The following STAG1 variants were observed in gnomAD, a reference collection of about 807,000 sequenced individuals.
STAG1 encodes STAG1 cohesin complex component.
STAG1 carries 26 observed loss-of-function variants against 170.9 expected under a neutral mutation model. The ratio of observed to expected loss-of-function variants is 0.15; its 90% CI spans 0.11 to 0.21. The LOEUF is 0.21. Ranked by LOEUF, STAG1 falls within the 10% of genes least tolerant of loss-of-function variation. STAG1 has a pLI of 1.00. For missense variants in STAG1, 964 were observed against 1,509.5 expected (o/e 0.64, Z 5.99); for synonymous variants, 514 against 497.7 (o/e 1.03, Z -0.44).
At chr3:136,602,230 T>A (rs1298792747) in intron 4 of STAG1, among the ~76,000 whole-genome samples, 1 of 151,668 alleles carries the variant, frequency 6.6e-6, no homozygotes, top group African/African-American at 2.4e-5. Context: ...AATACAAAAA[T>A]TAGCTGGGCA....
At chr3:136,673,969 G>T (rs1265506358) in intron 1 of STAG1, among the ~76,000 whole-genome samples, 6 of 151,446 alleles carry the variant, frequency 4.0e-5, no homozygotes, top group African/African-American at 1.5e-4. Context: ...CAGGCGTGGT[G>T]GTGCATGCCT....
intron 1 of STAG1, among the ~76,000 whole-genome samples, chr3:136,665,254 A>T (rs915139588): frequency 6.6e-6 from 1 of 152,058 alleles, no homozygotes; most frequent in Non-Finnish European, 1.5e-5. Flanking sequence ...ATACAATGAG[A>T]TCTTTGAGGA....
chr3:136,548,566 C>A (rs1488937501), intron 5 of STAG1, among the ~76,000 whole-genome samples: 1 of 152,114 alleles, frequency 6.6e-6, no homozygotes, highest in Admixed American at 6.6e-5. Context: ...TGCAAAAAAT[C>A]CCATTGGAAT....
chr3:136,541,538 TCACACACACACACACACACACACA>T (rs59155124), intron 6 of STAG1, among the ~76,000 whole-genome samples: 2 of 123,214 alleles, frequency 1.6e-5, no homozygotes, highest in Admixed American at 8.3e-5. Context: ...AGCTTAACAT[TCACACACACACACACACACACACA>T]CACACACACA....
chr3:136,686,084 C>G (rs1371348558), intron 1 of STAG1, among the ~76,000 whole-genome samples: 1 of 152,124 alleles, frequency 6.6e-6, no homozygotes, highest in Non-Finnish European at 1.5e-5. Context: ...GTTTTAGCAG[C>G]TACTAGGCAA....
chr3:136,450,548 C>T (rs1233233344), intron 14 of STAG1, among the ~76,000 whole-genome samples: 1 of 152,192 alleles, frequency 6.6e-6, no homozygotes, highest in Non-Finnish European at 1.5e-5. Context: ...TTTTAATTTT[C>T]ATATAGGCTA....
At chr3:136,465,057 C>A in intron 12 of STAG1, 69 bp from the exon 13 acceptor site, 2 of 1,200,130 alleles carry the variant, frequency 1.7e-6, no homozygotes, top group East Asian at 2.6e-5. Context: ...TTTATTTAAA[C>A]TTGCTAAAGT....
At chr3:136,432,843 C>G (rs966285976) in intron 16 of STAG1, among the ~76,000 whole-genome samples, 1 of 152,204 alleles carries the variant, frequency 6.6e-6, no homozygotes, top group South Asian at 2.1e-4. Flanking sequence ...CACGCAGTGC[C>G]ACTCTGGTAA....
intron 4 of STAG1, among the ~76,000 whole-genome samples, chr3:136,576,295 C>T (rs1937453189): frequency 6.6e-6 from 1 of 152,122 alleles, no homozygotes; most frequent in South Asian, 2.1e-4. Flanking sequence ...CTCTCACACA[C>T]ACATACATAT....
At chr3:136,523,666 G>C (rs1412472170) in intron 6 of STAG1, among the ~76,000 whole-genome samples, 1 of 152,110 alleles carries the variant, frequency 6.6e-6, no homozygotes, top group Non-Finnish European at 1.5e-5. Context: ...TGAAGTCCTT[G>C]CCCATGCCTA....
chr3:136,600,680 C>T (rs376948156), intron 4 of STAG1, among the ~76,000 whole-genome samples: 12 of 151,900 alleles, frequency 7.9e-5, no homozygotes, highest in African/African-American at 2.4e-4. Context: ...TACAGGCTTG[C>T]GCAACCATGC....
intron 5 of STAG1, among the ~76,000 whole-genome samples, chr3:136,543,694 G>A (rs1936014691): frequency 6.6e-6 from 1 of 152,098 alleles, no homozygotes; most frequent in Non-Finnish European, 1.5e-5. Flanking sequence ...TCTTTTAAGT[G>A]GTGATAATAT....
chr3:136,471,431 T>G (rs2089625380), intron 12 of STAG1, among the ~76,000 whole-genome samples: 2 of 151,898 alleles, frequency 1.3e-5, no homozygotes, highest in Admixed American at 1.3e-4. Context: ...AACTAGATTT[T>G]GAAAAAAAAG....
intron 3 of STAG1, among the ~76,000 whole-genome samples, chr3:136,617,492 T>C (rs1939652404): frequency 6.6e-6 from 1 of 152,184 alleles, no homozygotes; most frequent in Non-Finnish European, 1.5e-5. Context: ...CTTCAGCCCA[T>C]TACAGATAAG....
intron 28 of STAG1, among the ~76,000 whole-genome samples, chr3:136,354,458 T>C (rs1427539497): frequency 2.6e-5 from 4 of 151,950 alleles, no homozygotes; most frequent in Non-Finnish European, 2.9e-5. Context: ...TGTGCCACCA[T>C]GCCCGGCTAA....
At chr3:136,364,967 G>A (rs1331681864) in intron 25 of STAG1, among the ~76,000 whole-genome samples, 1 of 152,168 alleles carries the variant, frequency 6.6e-6, no homozygotes, top group African/African-American at 2.4e-5. Context: ...CTAAAGTACT[G>A]GAGCAGGCAG....
chr3:136,562,356 G>A (rs1299732780), intron 5 of STAG1, among the ~76,000 whole-genome samples: 1 of 151,712 alleles, frequency 6.6e-6, no homozygotes, highest in African/African-American at 2.4e-5. Flanking sequence ...CGCCTCCTGG[G>A]CTCACGCGAT....
At chr3:136,687,781 G>C (rs1353418681) in intron 1 of STAG1, among the ~76,000 whole-genome samples, 1 of 150,458 alleles carries the variant, frequency 6.6e-6, no homozygotes, top group Non-Finnish European at 1.5e-5. Context: ...TTGTCGCCCA[G>C]GCTAGATTGC....
chr3:136,631,193 A>C (rs917651279), intron 1 of STAG1, among the ~76,000 whole-genome samples: 3 of 152,248 alleles, frequency 2.0e-5, no homozygotes, highest in Non-Finnish European at 4.4e-5. Context: ...TAAATGAATA[A>C]ATAAACTACG....
Sources: gnomAD v4.1 joint callset for allele counts (sites outside exome capture counted in the v4.1 genomes callset) on GRCh38, gnomAD v4.1.1 for gene constraint, MANE v1.5 for transcripts, NCBI Gene and HGNC (gene_info 2026-07-23, HGNC 2026-07-21) for gene names.